The following MSRA variants were observed in gnomAD, a reference collection of about 807,000 sequenced individuals.
MSRA encodes methionine sulfoxide reductase A, also known as mitochondrial peptide methionine sulfoxide reductase.
In MSRA, 54 loss-of-function variants were observed where a neutral mutation model predicts 31.3. The ratio of observed to expected loss-of-function variants is 1.73; its 90% CI spans 1.39 to 2.17. The LOEUF (loss-of-function observed/expected upper bound fraction) is 2.17, where lower values mean the gene tolerates loss of function less well. Ranked by LOEUF, MSRA falls within the 30% of genes most tolerant of loss-of-function variation. The pLI is 0.00. For missense variants in MSRA, 507 were observed against 300.9 expected (o/e 1.69, Z -5.07); for synonymous variants, 169 against 116.5 (o/e 1.45, Z -2.90).
chr8:10,309,326 C>G (rs544332298), intron 4 of MSRA, among the ~76,000 whole-genome samples: 1 of 152,258 alleles, frequency 6.6e-6, no homozygotes, highest in South Asian at 2.1e-4. Flanking sequence ...CGGAGCCTGC[C>G]GTGCAGAGCG....
chr8:10,244,487 C>G (rs1016744966), intron 2 of MSRA, among the ~76,000 whole-genome samples: 1 of 152,162 alleles, frequency 6.6e-6, no homozygotes, highest in African/African-American at 2.4e-5. Flanking sequence ...CTCTCCCTGC[C>G]TCCCTTCCAA....
At chr8:10,092,737 C>T (rs368181108) in intron 1 of MSRA, among the ~76,000 whole-genome samples, 7 of 152,098 alleles carry the variant, frequency 4.6e-5, no homozygotes, top group East Asian at 3.9e-4. Context: ...TTTTCTGTTT[C>T]CTTGCTGATC....
In MSRA at chr8:10,425,846, T is replaced by G. The variant is rs940913062; in HGVS notation, c.544-2302T>G. Among the ~76,000 whole-genome samples the G allele has an allele frequency of 2.6e-5, 4 of 152,238 alleles. No individual in the cohort carries two copies. The East Asian group carries it at 7.7e-4, about 29-fold the overall frequency. On this transcript the variant is annotated intron_variant, in intron 5 of 5. Transcript: ENST00000317173. ...TTGGGATCCGATTTTTTATTTGCTA[T>G]TTGGATACAGCTGTAAGAGATGACA... is the stretch of plus-strand genomic sequence containing the variant.
At chr8:10,426,566 G>C in intron 5 of MSRA, among the ~76,000 whole-genome samples, 1 of 152,300 alleles carries the variant, frequency 6.6e-6, no homozygotes, top group South Asian at 2.1e-4. Context: ...GCCAAATTTC[G>C]TGTGAGTTTC....
intron 5 of MSRA, among the ~76,000 whole-genome samples, chr8:10,404,435 G>A (rs997054323): frequency 3.3e-5 from 5 of 152,226 alleles, no homozygotes; most frequent in South Asian, 4.1e-4. Context: ...AGGGGCAGGC[G>A]GGTGTGGGAT....
chr8:10,076,571 G>T (rs1798004564), intron 1 of MSRA, among the ~76,000 whole-genome samples: 1 of 152,246 alleles, frequency 6.6e-6, no homozygotes, highest in East Asian at 1.9e-4. Flanking sequence ...CATTCCCATC[G>T]CTTCTTGCAG....
At chr8:10,122,919 C>G (rs1475681534) in intron 1 of MSRA, among the ~76,000 whole-genome samples, 1 of 152,144 alleles carries the variant, frequency 6.6e-6, no homozygotes, top group African/African-American at 2.4e-5. Context: ...ACCACATTTT[C>G]TTTTTACATT....
At chr8:10,229,238 G>GC (rs36023906) in intron 2 of MSRA, among the ~76,000 whole-genome samples, 70,305 of 152,048 alleles carry the variant, frequency 0.46, 20,456 homozygotes, top group Non-Finnish European at 0.64. Flanking sequence ...GTGATACTGA[G>GC]CAGGAGATGG....
At chr8:10,215,097 G>T (rs1457348637) in intron 2 of MSRA, among the ~76,000 whole-genome samples, 1 of 152,200 alleles carries the variant, frequency 6.6e-6, no homozygotes, top group Non-Finnish European at 1.5e-5. Flanking sequence ...AGAATCCATT[G>T]TAGAGGGGAG....
intron 3 of MSRA, among the ~76,000 whole-genome samples, chr8:10,269,072 A>G (rs1327233183): frequency 6.6e-6 from 1 of 152,218 alleles, no homozygotes; most frequent in African/African-American, 2.4e-5. Flanking sequence ...TGCTTCTCCA[A>G]CGCCTTTATT....
At chr8:10,249,449 C>T in intron 3 of MSRA, among the ~76,000 whole-genome samples, 1 of 152,298 alleles carries the variant, frequency 6.6e-6, no homozygotes, top group East Asian at 1.9e-4. Flanking sequence ...GATTTCCTAT[C>T]CCTTGCATGT....
chr8:10,405,625 G>C (rs1391418232), intron 5 of MSRA, among the ~76,000 whole-genome samples: 1 of 152,190 alleles, frequency 6.6e-6, no homozygotes, highest in African/African-American at 2.4e-5. Flanking sequence ...ACTGGATGCT[G>C]ATCAGAGTGC....
Position 10,306,789 on chromosome 8 carries a change from A to T in MSRA, c.436+5151A>T, listed in dbSNP as rs188125281. 2.0e-4 allele frequency among the ~76,000 whole-genome samples: 30 copies of T among 152,336 alleles called. No homozygotes were observed. In the East Asian group the frequency reaches 5.6e-3, roughly 28 times the overall value. On this transcript the variant is annotated intron_variant, in intron 4 of 5. Coordinates refer to ENST00000317173, the MANE Select transcript of MSRA (RefSeq NM_012331.5). Reference sequence around the variant, plus strand: ...GACTGAGTGCCTCGAGCCAAGCCACAGGTACACCAGGCAGAGGGTCTTCAG... The same window carrying T: ...GACTGAGTGCCTCGAGCCAAGCCACTGGTACACCAGGCAGAGGGTCTTCAG...
chr8:10,119,078 T>G (rs1274774704), intron 1 of MSRA, among the ~76,000 whole-genome samples: 1 of 152,154 alleles, frequency 6.6e-6, no homozygotes, highest in Admixed American at 6.5e-5. Flanking sequence ...GGATCTAGGG[T>G]ATGTCTTTTA....
At chr8:10,319,270 C>T (rs187068461) in intron 4 of MSRA, among the ~76,000 whole-genome samples, 79 of 152,244 alleles carry the variant, frequency 5.2e-4, no homozygotes, top group African/African-American at 1.8e-3. Context: ...GGCAACCCTG[C>T]GGCTGTTTCA....
intron 5 of MSRA, among the ~76,000 whole-genome samples, chr8:10,392,647 A>C (rs988371307): frequency 6.7e-6 from 1 of 149,490 alleles, no homozygotes; most frequent in African/African-American, 2.5e-5. Context: ...TCATCCTGTC[A>C]TTTGCCTGTG....
At chr8:10,364,263 G>C (rs1805031063) in intron 5 of MSRA, among the ~76,000 whole-genome samples, 1 of 152,196 alleles carries the variant, frequency 6.6e-6, no homozygotes, top group African/African-American at 2.4e-5. Flanking sequence ...GATTTGGTTA[G>C]ACTGTCATCC....
chr8:10,095,050 A>C (rs533064221), intron 1 of MSRA, among the ~76,000 whole-genome samples: 1 of 152,244 alleles, frequency 6.6e-6, no homozygotes, highest in African/African-American at 2.4e-5. Flanking sequence ...TCCATAGGAT[A>C]AAGCATGACA....
At chr8:10,232,177 G>C (rs192003220) in intron 2 of MSRA, among the ~76,000 whole-genome samples, 2 of 152,290 alleles carry the variant, frequency 1.3e-5, no homozygotes, top group East Asian at 3.9e-4. Flanking sequence ...AGGGGAAAGA[G>C]CTGGAAGAGA....
Sources: allele counts gnomAD v4.1 joint callset (sites outside exome capture counted in the v4.1 genomes callset), GRCh38; gene constraint gnomAD v4.1.1; transcripts MANE v1.5; gene names NCBI Gene and HGNC (gene_info 2026-07-23, HGNC 2026-07-21).